Variants in LARP1B observed in about 807,000 individuals in gnomAD.
LARP1B encodes la-related protein 1B.
In LARP1B, 76 loss-of-function variants were observed where a neutral mutation model predicts 114.2. That is an observed-to-expected ratio of 0.67 (90% CI 0.55 to 0.81). The LOEUF is 0.81. LARP1B is among the 30% of genes least tolerant of loss of function. The probability of loss-of-function intolerance (pLI) is 0.00; values close to 1 mark genes in which losing one functional copy is unlikely to be tolerated. For synonymous variants in LARP1B, 345 were observed against 348.0 expected (o/e 0.99, Z 0.10); for missense variants, 1,014 against 1,075.8 (o/e 0.94, Z 0.80).
intron 9 of LARP1B, chr4:128,107,678 G>A: frequency 1.4e-6 from 2 of 1,434,208 alleles, no homozygotes; most frequent in Non-Finnish European, 1.8e-6. Flanking sequence ...TCAAGAGTGG[G>A]GTAGTCTTCC....
At chr4:128,094,400 CTTTTTTTTT>C (rs776529101) in intron 7 of LARP1B, among the ~76,000 whole-genome samples, 3 of 128,752 alleles carry the variant, frequency 2.3e-5, no homozygotes, top group East Asian at 2.2e-4. Context: ...TTTTCTTTTT[CTTTTTTTTT>C]TTTTTTTTTG....
intron 15 of LARP1B, among the ~76,000 whole-genome samples, chr4:128,189,597 CCTTACTTCCTT>C (rs144360712): frequency 1.6e-4 from 25 of 152,098 alleles, no homozygotes; most frequent in Non-Finnish European, 2.9e-4. Flanking sequence ...GTAACTCCTC[CCTTACTTCCTT>C]CTTACTGCCT....
rs1269176487 is a variant in LARP1B, at chr4:128,122,095, A to G, written c.1431A>G (p.Thr477=). Residue 477 remains threonine (T), a synonymous_variant, in exon 11 of 20, where the codon ACA becomes ACG. Transcript: ENST00000326639. ...TGTHMSRAKI[T]SELAKVINDG... ...CCCACATGTCTCGGGCAAAAATCAC[A>G]TCTGAACTTGCTAAAGTTATCAATG... The G allele has an allele frequency of 2.5e-6, 4 of 1,614,158 alleles. No individual in the cohort carries two copies. Among genetic ancestry groups the G allele is most frequent in the Non-Finnish European group, 3.4e-6 (4 of 1,180,008 alleles).
At chr4:128,190,069 T>C (rs1751725627) in intron 15 of LARP1B, among the ~76,000 whole-genome samples, 1 of 152,254 alleles carries the variant, frequency 6.6e-6, no homozygotes, top group African/African-American at 2.4e-5. Context: ...TTGTTTTCTT[T>C]CAAATTAAAG....
At chr4:128,138,482 A>G (rs1164966317) in intron 11 of LARP1B, among the ~76,000 whole-genome samples, 2 of 152,240 alleles carry the variant, frequency 1.3e-5, no homozygotes, top group Non-Finnish European at 2.9e-5. Flanking sequence ...ATTGGAATGA[A>G]TAATTTCAGG....
At chr4:128,118,612 C>T (rs1355504175) in intron 10 of LARP1B, among the ~76,000 whole-genome samples, 3 of 151,866 alleles carry the variant, frequency 2.0e-5, no homozygotes, top group African/African-American at 7.3e-5. Flanking sequence ...TCTCTTATTT[C>T]CACTTTCTGG....
chr4:128,083,982 A>G (rs1278395369), intron 5 of LARP1B, among the ~76,000 whole-genome samples: 3 of 150,216 alleles, frequency 2.0e-5, no homozygotes, highest in African/African-American at 7.4e-5. Context: ...CTCACTTCTC[A>G]GACGGGGTGG....
intron 11 of LARP1B, among the ~76,000 whole-genome samples, chr4:128,158,673 A>T (rs1736947435): frequency 6.6e-6 from 1 of 152,220 alleles, no homozygotes; most frequent in African/African-American, 2.4e-5. Flanking sequence ...CTCATTAGTA[A>T]TCAGAGAGAT....
At chr4:128,164,507 G>A (rs995167520) in intron 12 of LARP1B, among the ~76,000 whole-genome samples, 9 of 151,964 alleles carry the variant, frequency 5.9e-5, no homozygotes, top group Middle Eastern at 3.2e-3. Context: ...ATGAAAAATG[G>A]CAAACATGAA....
intron 9 of LARP1B, among the ~76,000 whole-genome samples, chr4:128,112,631 G>A (rs543192328): frequency 4.6e-5 from 7 of 151,668 alleles, no homozygotes; most frequent in South Asian, 2.1e-4. Flanking sequence ...CCACCACCAC[G>A]CCCGGCTAGT....
intron 11 of LARP1B, among the ~76,000 whole-genome samples, chr4:128,156,624 C>T (rs189404398): frequency 6.6e-6 from 1 of 151,874 alleles, no homozygotes; most frequent in Non-Finnish European, 1.5e-5. Context: ...CACCAACTCA[C>T]CAGCCCCACT....
Position 128,199,511 on chromosome 4 carries a change from A to G in LARP1B, c.2076A>G (p.Pro692=), listed in dbSNP as rs951082736. The change falls in exon 16 of 20, where the codon CCA becomes CCG. Residue 692 remains proline (P), a synonymous_variant. Transcript: ENST00000326639. ...GSYGCTPHSF[P]KFQHPSHELL... is the part of the protein sequence containing the mutation. ...ATGGATGTACTCCTCATTCATTCCC[A>G]AAGTTCCAGCATCCTTCTCATGAAC... The G allele has an allele frequency of 6.2e-7, 1 of 1,605,434 alleles. No homozygotes were observed. The highest frequency in any genetic ancestry group is 8.5e-7 in the Non-Finnish European group (1 of 1,175,214).
intron 6 of LARP1B, 82 bp from the exon 7 acceptor site, chr4:128,091,264 AC>A: frequency 6.6e-7 from 1 of 1,509,388 alleles, no homozygotes; most frequent in Admixed American, 2.0e-5. Flanking sequence ...ATGTTTGTTA[AC>A]CTTTGAAGTT....
Position 128,069,405 on chromosome 4 carries a change from A to C in LARP1B, c.-77-5055A>C, listed in dbSNP as rs138475547. ...CTTGCCATAAGTTGCACCCTTAGGA[A>C]CTGGGTGCTTTCGGCCACCATGGCG... is the stretch of plus-strand genomic sequence containing the variant. On this transcript the variant is annotated intron_variant, in intron 1 of 19. Transcript: ENST00000326639. The C allele has an allele frequency of 3.0e-3, 2,272 of 762,180 alleles. 38 individuals carry two copies. The African/African-American group carries it at 0.034, about 11-fold the overall frequency. 47.2% of individuals were successfully genotyped at this position (762,180 alleles called of 1,614,324 possible). A position where few individuals can be genotyped will look rare whatever the true frequency, so the allele number is the denominator to read the frequency against.
chr4:128,178,726 TGAAA>T, intron 14 of LARP1B, 84 bp downstream of exon 14: 4 of 931,826 alleles, frequency 4.3e-6, no homozygotes, highest in Non-Finnish European at 6.7e-6. Context: ...TCTATCACAT[TGAAA>T]AATGTGTGTT....
chr4:128,188,822 T>C (rs1476212285), intron 15 of LARP1B, among the ~76,000 whole-genome samples: 1 of 152,224 alleles, frequency 6.6e-6, no homozygotes, highest in Non-Finnish European at 1.5e-5. Flanking sequence ...CTTCATGTTA[T>C]TGATTTCTAT....
chr4:128,108,457 A>G, intron 9 of LARP1B: 1 of 985,654 alleles, frequency 1.0e-6, no homozygotes, highest in Non-Finnish European at 1.2e-6. Context: ...GGATGAGGTT[A>G]TTTCTTCCTT....
chr4:128,181,153 A>G (rs1402972034), intron 15 of LARP1B, among the ~76,000 whole-genome samples: 1 of 149,438 alleles, frequency 6.7e-6, no homozygotes, highest in East Asian at 1.9e-4. Context: ...TTGGATTTAA[A>G]TCTATCATTT....
intron 11 of LARP1B, among the ~76,000 whole-genome samples, chr4:128,125,708 T>C (rs936225283): frequency 6.6e-6 from 1 of 152,150 alleles, no homozygotes; most frequent in Non-Finnish European, 1.5e-5. Context: ...ATCACGTCAA[T>C]GCATTCCAGC....
Sources: gnomAD v4.1 joint callset for allele counts (sites outside exome capture counted in the v4.1 genomes callset) on GRCh38, gnomAD v4.1.1 for gene constraint, MANE v1.5 for transcripts, NCBI Gene and HGNC (gene_info 2026-07-23, HGNC 2026-07-21) for gene names.